The following VPS26A variants were observed in gnomAD, a reference collection of about 807,000 sequenced individuals.
VPS26A encodes the protein vacuolar protein sorting-associated protein 26A.
In VPS26A, 22 loss-of-function variants were observed where a neutral mutation model predicts 42.4. The ratio of observed to expected loss-of-function variants is 0.52; its 90% CI spans 0.37 to 0.74. The LOEUF (loss-of-function observed/expected upper bound fraction) is 0.74, where lower values mean the gene tolerates loss of function less well. VPS26A is among the 30% of genes least tolerant of loss of function. The pLI, the probability that VPS26A is intolerant of heterozygous loss-of-function variation, is 0.00. For missense variants in VPS26A, 276 were observed against 379.2 expected (o/e 0.73, Z 2.26); for synonymous variants, 110 against 123.5 (o/e 0.89, Z 0.73).
At position 69,157,004 on chromosome 10, in the gene VPS26A, C is replaced by T. The variant is rs2132226562; in HGVS notation, c.230-3C>T. ...GGTCTTTTTGCCTTTTAAAATTTCT[C>T]AGAACTTTTCAATGACAAGAGTAAT... On this transcript the variant is annotated splice_region_variant and splice_polypyrimidine_tract_variant and intron_variant, in intron 3 of 8. Transcript: ENST00000263559. The T allele has an allele frequency of 6.3e-7, 1 of 1,583,112 alleles. No homozygotes were observed. The highest frequency in any genetic ancestry group is 1.2e-5 in the South Asian group (1 of 86,752).
chr10:69,124,183 C>A lies in VPS26A; in HGVS notation c.-95C>A. On this transcript the variant is annotated 5_prime_UTR_variant, in exon 1 of 9. Transcript: ENST00000263559. The stretch of plus-strand genomic sequence containing the variant: ...TCACGTGTGAGGGGCGGCCCGAGGT[C>A]ACGTGACGGAGCGCCGGAGCGGAGG... 1.6e-6 allele frequency: 2 copies of A among 1,240,206 alleles called. No homozygotes were observed. Among genetic ancestry groups the A allele is most frequent in the Non-Finnish European group, 2.0e-6 (2 of 980,374 alleles). 76.8% of individuals were successfully genotyped at this position (1,240,206 alleles called of 1,614,324 possible).
At chr10:69,148,754 ATTTTTTTTT>A (rs34136399) in intron 2 of VPS26A, among the ~76,000 whole-genome samples, 7 of 133,758 alleles carry the variant, frequency 5.2e-5, no homozygotes, top group Non-Finnish European at 9.6e-5. Flanking sequence ...AGCAGAGAGT[ATTTTTTTTT>A]TTTTTTTTTT....
At chr10:69,160,450 G>A (rs756454580) in intron 5 of VPS26A, among the ~76,000 whole-genome samples, 5 of 147,430 alleles carry the variant, frequency 3.4e-5, no homozygotes, top group Admixed American at 6.9e-5. Flanking sequence ...GAGCCACCGC[G>A]CCCAACATAT....
At chr10:69,171,088 T>C in intron 8 of VPS26A, 68 bp from the exon 9 acceptor site, 1 of 1,212,394 alleles carries the variant, frequency 8.2e-7, no homozygotes, top group East Asian at 2.4e-5. Context: ...AAAATTGAAG[T>C]GGCAATCAAT....
chr10:69,151,194 G>A (rs896001501), intron 2 of VPS26A, among the ~76,000 whole-genome samples: 1 of 150,238 alleles, frequency 6.7e-6, no homozygotes. Context: ...GAACCCAGGA[G>A]GCAGAGCTTG....
At position 69,168,615 on chromosome 10, in the gene VPS26A, G is replaced by C; in HGVS notation, c.854G>C (p.Arg285Thr). 6.2e-7 allele frequency: 1 copy of C among 1,613,720 alleles called. No homozygotes were observed. The highest frequency in any genetic ancestry group is 8.5e-7 in the Non-Finnish European group (1 of 1,179,840). Residue 285 changes from arginine (R) to threonine (T), a missense_variant, in exon 8 of 9, where the codon AGG (arginine) becomes ACG (threonine). Transcript: ENST00000263559. Reference sequence around the variant, plus strand: ...GTGCTTGTTGATGAGGAAGACCGGAGGTACTTCAAACAGCAGGTATGGTGC... The same window carrying C: ...GTGCTTGTTGATGAGGAAGACCGGACGTACTTCAAACAGCAGGTATGGTGC... ...NLVLVDEEDRRYFKQQEIILW... is the reference protein window; with the variant it reads ...NLVLVDEEDRTYFKQQEIILW...
At chr10:69,162,557 G>T in intron 6 of VPS26A, 45 bp downstream of exon 6, 1 of 1,251,486 alleles carries the variant, frequency 8.0e-7, no homozygotes, top group South Asian at 1.5e-5. Flanking sequence ...TGTTTTAGTT[G>T]ACATTTTTAA....
Position 69,167,395 on chromosome 10 carries a change from G to C in VPS26A, c.728-1094G>C, listed in dbSNP as rs1378141923. The stretch of plus-strand genomic sequence containing the variant: ...GCCAAGATGGCACTACTGCATTCCA[G>C]CCTGAATGACAGAGGGAGATCCTGC... On this transcript the variant is annotated intron_variant, in intron 7 of 8. Coordinates refer to ENST00000263559, the MANE Select transcript of VPS26A (RefSeq NM_004896.5). Among the ~76,000 whole-genome samples, 3 of 149,626 alleles carry C rather than the reference G, an allele frequency of 2.0e-5. No individual in the cohort carries two copies. The East Asian group carries it at 5.9e-4, about 29-fold the overall frequency.
Position 69,133,614 on chromosome 10 carries a change from CTT to C in VPS26A, c.153+572_153+573del, listed in dbSNP as rs1372615997. 3 of 1,288,778 alleles carry C rather than the reference CTT, an allele frequency of 2.3e-6. 1 individual carries two copies. The African/African-American group carries it at 4.6e-5, about 20-fold the overall frequency. The allele number at this position is 1,288,778 out of a possible 1,614,324, so 79.8% of individuals were successfully genotyped here. On this transcript the variant is annotated intron_variant, in intron 2 of 8. Transcript: ENST00000263559. ...TTATGACGCCTTCTATAAGGTTTCA[CTT>C]TTTTCCCCTTTTCTTTATCCGGTAA...
intron 2 of VPS26A, among the ~76,000 whole-genome samples, chr10:69,154,666 C>T (rs1423952863): frequency 6.6e-6 from 1 of 152,060 alleles, no homozygotes; most frequent in African/African-American, 2.4e-5. Context: ...AGTTTGAGAC[C>T]AGCTTGGGCA....
Position 69,152,524 on chromosome 10 carries a change from A to G in VPS26A, c.154-3288A>G, listed in dbSNP as rs555587938. ...GTAACTAACTTATATTGGTTATAAG[A>G]TAGGGAAGATACAGAAGATGAATAT... On this transcript the variant is annotated intron_variant, in intron 2 of 8. Transcript: ENST00000263559. Among the ~76,000 whole-genome samples the G allele has an allele frequency of 1.4e-4, 22 of 152,348 alleles. No homozygotes were observed. In the South Asian group the frequency reaches 3.7e-3, roughly 26 times the overall value.
intron 2 of VPS26A, among the ~76,000 whole-genome samples, chr10:69,145,215 A>G (rs1186091838): frequency 6.6e-6 from 1 of 152,050 alleles, no homozygotes; most frequent in Non-Finnish European, 1.5e-5. Context: ...TTATATTTTT[A>G]GTAGAAACTG....
chr10:69,124,248 A>C lies in VPS26A; in HGVS notation c.-30A>C, dbSNP rs1255188377. Reference sequence around the variant, plus strand: ...AGTTCTCCTGAGGGAAGAGGAGTGGAGTAGGGGGGACGCGGCGGCGGCGTT... The same window carrying C: ...AGTTCTCCTGAGGGAAGAGGAGTGGCGTAGGGGGGACGCGGCGGCGGCGTT... On this transcript the variant is annotated 5_prime_UTR_variant, in exon 1 of 9. Transcript: ENST00000263559. The C allele has an allele frequency of 1.0e-5, 13 of 1,285,294 alleles. No individual in the cohort carries two copies. Among genetic ancestry groups the C allele is most frequent in the Non-Finnish European group, 1.3e-5 (13 of 1,011,114 alleles). The allele number at this position is 1,285,294 out of a possible 1,614,324, so 79.6% of individuals were successfully genotyped here.
At chr10:69,124,527 C>A (rs10998588) in intron 1 of VPS26A, among the ~76,000 whole-genome samples, 2 of 152,184 alleles carry the variant, frequency 1.3e-5, no homozygotes, top group African/African-American at 4.8e-5. Context: ...AGCCTCTGCC[C>A]GCGTTCTTCG....
chr10:69,166,101 C>T lies in VPS26A; in HGVS notation c.718C>T (p.Pro240Ser). Residue 240 changes from proline to serine, a missense_variant, in exon 7 of 9, where the codon CCA becomes TCA. Physicochemically the swap from Pro to Ser is moderately conservative, Grantham distance 74 (BLOSUM62 -1). Transcript: ENST00000263559. ...IAKYEIMDGA[P>S]VKGESIPIRL... Reference sequence around the variant, plus strand: ...CAAATATGAAATAATGGATGGTGCACCAGTAAAAGGTAACACACTTTTCAG... The same window carrying T: ...CAAATATGAAATAATGGATGGTGCATCAGTAAAAGGTAACACACTTTTCAG... 6.2e-7 allele frequency: 1 copy of T among 1,613,812 alleles called. No individual in the cohort carries two copies. The highest frequency in any genetic ancestry group is 8.5e-7 in the Non-Finnish European group (1 of 1,179,850).
At chr10:69,141,722 A>T (rs1004426941) in intron 2 of VPS26A, among the ~76,000 whole-genome samples, 1 of 152,102 alleles carries the variant, frequency 6.6e-6, no homozygotes, top group Non-Finnish European at 1.5e-5. Context: ...ACATTAAAAA[A>T]CCTAATTATG....
intron 5 of VPS26A, among the ~76,000 whole-genome samples, chr10:69,160,143 C>T (rs1173351850): frequency 2.1e-5 from 1 of 47,234 alleles, no homozygotes; most frequent in African/African-American, 3.8e-5. Flanking sequence ...CACACACACA[C>T]ACACACACAC....
At chr10:69,145,249 G>A (rs879291320) in intron 2 of VPS26A, among the ~76,000 whole-genome samples, 2 of 151,846 alleles carry the variant, frequency 1.3e-5, no homozygotes, top group Non-Finnish European at 2.9e-5. Flanking sequence ...TGGCCAGGCT[G>A]GTCACGAACT....
At chr10:69,149,757 T>TGAGATGGAG in intron 2 of VPS26A, among the ~76,000 whole-genome samples, 1 of 129,770 alleles carries the variant, frequency 7.7e-6, no homozygotes, top group African/African-American at 3.1e-5. Flanking sequence ...TTTTTTTTTT[T>TGAGATGGAG]TTTTTTTGAG....
Sources: allele counts gnomAD v4.1 joint callset (sites outside exome capture counted in the v4.1 genomes callset), GRCh38; gene constraint gnomAD v4.1.1; transcripts MANE v1.5; gene names NCBI Gene and HGNC (gene_info 2026-07-23, HGNC 2026-07-21).